HDAC9: variants seen among roughly 807,000 people sequenced by gnomAD.
HDAC9 encodes the protein MEF-2 interacting transcription repressor (MITR) protein.
A neutral mutation model predicts 139.4 loss-of-function variants in HDAC9; 41 were observed. That is an observed-to-expected ratio of 0.29 (90% CI 0.23 to 0.38). HDAC9 has a LOEUF of 0.38. HDAC9 is among the 10% of genes least tolerant of loss of function. The probability of loss-of-function intolerance (pLI) is 1.00; values close to 1 mark genes in which losing one functional copy is unlikely to be tolerated. For synonymous variants in HDAC9, 517 were observed against 476.2 expected (o/e 1.09, Z -1.12); for missense variants, 1,147 against 1,297.0 (o/e 0.88, Z 1.78).
chr7:18,288,477 T>C (rs1797597271), upstream of HDAC9, among the ~76,000 whole-genome samples: 1 of 152,194 alleles, frequency 6.6e-6, no homozygotes, highest in South Asian at 2.1e-4. Flanking sequence ...TTCTTACTCT[T>C]CTTGAAAAAG....
chr7:18,196,362 G>C (rs1446671865), intron 2 of HDAC9, among the ~76,000 whole-genome samples: 1 of 152,156 alleles, frequency 6.6e-6, no homozygotes, highest in Non-Finnish European at 1.5e-5. Context: ...ATGGTTTGGA[G>C]AATGGAGAAA....
chr7:18,325,631 T>A (rs1800379553), intron 1 of HDAC9: 1 of 151,994 alleles, frequency 6.6e-6, no homozygotes. Context: ...AGTTTGGGGA[T>A]ATTTAACTTC....
intron 2 of HDAC9, among the ~76,000 whole-genome samples, chr7:18,174,981 C>G (rs1267369029): frequency 6.6e-6 from 1 of 152,234 alleles, no homozygotes; most frequent in East Asian, 1.9e-4. Context: ...AACTACTGCT[C>G]TCTTCAGGCC....
intron 1 of HDAC9, among the ~76,000 whole-genome samples, chr7:18,301,073 C>T (rs1258929288): frequency 6.8e-6 from 1 of 146,158 alleles, no homozygotes. Context: ...GATGAAAACA[C>T]TGTTTTTTTT....
At chr7:18,873,603 C>G (rs1009904119) in intron 21 of HDAC9, among the ~76,000 whole-genome samples, 5 of 152,088 alleles carry the variant, frequency 3.3e-5, no homozygotes, top group African/African-American at 1.2e-4. Context: ...TTAGTTATAT[C>G]TCACAACCAC....
intron 1 of HDAC9, among the ~76,000 whole-genome samples, chr7:18,094,567 A>G (rs1302115862): frequency 2.1e-5 from 3 of 140,844 alleles, no homozygotes; most frequent in African/African-American, 8.3e-5. Flanking sequence ...AGTAGCTAGG[A>G]CTCACAGGCT....
At chr7:18,226,528 A>T (rs1236103834) in intron 2 of HDAC9, among the ~76,000 whole-genome samples, 1 of 152,212 alleles carries the variant, frequency 6.6e-6, no homozygotes. Context: ...CCTTCCATAA[A>T]AAAAACTAAA....
chr7:18,381,444 C>A (rs980618584), intron 1 of HDAC9, among the ~76,000 whole-genome samples: 2 of 151,734 alleles, frequency 1.3e-5, no homozygotes, highest in African/African-American at 4.8e-5. Context: ...GTAAGAAAAT[C>A]ACGGGAGATT....
chr7:18,977,915 GACAGACACACACAC>G (rs894174793), intron 25 of HDAC9, among the ~76,000 whole-genome samples: 1 of 103,124 alleles, frequency 9.7e-6, no homozygotes, highest in African/African-American at 3.5e-5. Flanking sequence ...GAGACAGACA[GACAGACACACACAC>G]ACACACACAC....
At chr7:18,540,425 C>G (rs898375489) in intron 2 of HDAC9, among the ~76,000 whole-genome samples, 2 of 151,882 alleles carry the variant, frequency 1.3e-5, no homozygotes, top group African/African-American at 4.8e-5. Context: ...TCATTGAATC[C>G]TAATGGTGTG....
intron 12 of HDAC9, among the ~76,000 whole-genome samples, chr7:18,682,375 A>G (rs1041125318): frequency 1.3e-5 from 2 of 152,016 alleles, no homozygotes; most frequent in Admixed American, 6.6e-5. Context: ...TTTGTGTATG[A>G]TTAATTTTTC....
chr7:18,598,826 A>T (rs189681031), intron 6 of HDAC9, among the ~76,000 whole-genome samples: 1 of 152,378 alleles, frequency 6.6e-6, no homozygotes, highest in African/African-American at 2.4e-5. Flanking sequence ...GGCTACTGTC[A>T]AAATGAGGGT....
chr7:18,262,970 CAAAT>C (rs1795775646), intron 2 of HDAC9, among the ~76,000 whole-genome samples: 3 of 151,770 alleles, frequency 2.0e-5, no homozygotes, highest in Non-Finnish European at 4.4e-5. Flanking sequence ...ATATAGAAAA[CAAAT>C]AACAAAATGG....
chr7:18,584,784 G>T (rs1333344245), intron 2 of HDAC9, among the ~76,000 whole-genome samples: 1 of 152,206 alleles, frequency 6.6e-6, no homozygotes, highest in Non-Finnish European at 1.5e-5. Flanking sequence ...ACATCCAATA[G>T]TGCTGCAAAT....
At chr7:18,700,702 C>T (rs1370068425) in intron 12 of HDAC9, among the ~76,000 whole-genome samples, 1 of 152,172 alleles carries the variant, frequency 6.6e-6, no homozygotes, top group Non-Finnish European at 1.5e-5. Context: ...TGGCCTTGCT[C>T]ACACGTCTGG....
intron 23 of HDAC9, among the ~76,000 whole-genome samples, chr7:18,938,485 C>T (rs980995635): frequency 6.6e-6 from 1 of 151,306 alleles, no homozygotes; most frequent in Non-Finnish European, 1.5e-5. Flanking sequence ...GTCCCAGCTA[C>T]TCCGGAGCCT....
At chr7:18,153,417 G>C (rs1216330410) in intron 1 of HDAC9, among the ~76,000 whole-genome samples, 3 of 152,152 alleles carry the variant, frequency 2.0e-5, no homozygotes, top group South Asian at 4.1e-4. Context: ...AAATGAAGTA[G>C]CAGCCCACGA....
intron 21 of HDAC9, among the ~76,000 whole-genome samples, chr7:18,855,871 A>G (rs1326001073): frequency 6.6e-6 from 1 of 152,044 alleles, no homozygotes; most frequent in African/African-American, 2.4e-5. Flanking sequence ...TCCTTCTTTT[A>G]CTTCTGTGCA....
chr7:18,605,706 A>G lies in HDAC9; in HGVS notation c.664+11677A>G, dbSNP rs566940812. Among the ~76,000 whole-genome samples the G allele has an allele frequency of 2.6e-5, 4 of 151,792 alleles. No individual in the cohort carries two copies. In the South Asian group the frequency reaches 8.3e-4, roughly 31 times the overall value. ...TTTGTTTGTTTGTTTTTTGAGACAGAGTCTTGTTCTGTCGCCCAGGCTGGA... is the reference window on the plus strand; with the variant it reads ...TTTGTTTGTTTGTTTTTTGAGACAGGGTCTTGTTCTGTCGCCCAGGCTGGA... On this transcript the variant is annotated intron_variant, in intron 6 of 25. Coordinates refer to ENST00000686413, the MANE Select transcript of HDAC9 (RefSeq NM_178425.4).
Sources: gnomAD v4.1 joint callset for allele counts (sites outside exome capture counted in the v4.1 genomes callset) on GRCh38, gnomAD v4.1.1 for gene constraint, MANE v1.5 for transcripts, NCBI Gene and HGNC (gene_info 2026-07-23, HGNC 2026-07-21) for gene names.